Variants in MALRD1 observed in about 807,000 individuals in gnomAD.
MALRD1 encodes the protein MAM and LDL receptor class A domain containing 1.
A neutral mutation model predicts 242.1 loss-of-function variants in MALRD1; 247 were observed. The ratio of observed to expected loss-of-function variants is 1.02; its 90% confidence interval spans 0.92 to 1.13. MALRD1 has a LOEUF of 1.13. MALRD1 is among the 50% of genes most tolerant of loss of function. MALRD1 has a pLI of 0.00. For missense variants in MALRD1, 2,989 were observed against 2,533.1 expected (o/e 1.18, Z -3.86); for synonymous variants, 995 against 866.6 (o/e 1.15, Z -2.60).
At chr10:19,519,489 C>T (rs868275268) in intron 31 of MALRD1, among the ~76,000 whole-genome samples, 1 of 152,132 alleles carries the variant, frequency 6.6e-6, no homozygotes. Context: ...AGACTGGGCA[C>T]AGAGGCTTAC....
At chr10:19,458,499 A>G (rs1271439828) in intron 29 of MALRD1, among the ~76,000 whole-genome samples, 1 of 152,224 alleles carries the variant, frequency 6.6e-6, no homozygotes, top group Non-Finnish European at 1.5e-5. Flanking sequence ...TCAAAAGGTA[A>G]GAATGGTGAC....
rs1047677593 is a variant in MALRD1 at position 19,607,748 on chromosome 10, C to A, written c.5945-29C>A. The A allele has an allele frequency of 4.5e-6, 7 of 1,541,610 alleles. No individual in the cohort carries two copies. The African/African-American group carries it at 9.6e-5, about 21-fold the overall frequency. On this transcript the variant is annotated intron_variant, in intron 34 of 39. Transcript: ENST00000454679. Reference sequence around the variant, plus strand: ...GGACAAAAAAAAATCATGCTGGCATCCCTGATCATTATTCTTTTTTTTTTG... The same window carrying A: ...GGACAAAAAAAAATCATGCTGGCATACCTGATCATTATTCTTTTTTTTTTG...
chr10:19,320,703 G>A (rs967457193), intron 21 of MALRD1, among the ~76,000 whole-genome samples: 7 of 152,112 alleles, frequency 4.6e-5, no homozygotes, highest in Admixed American at 6.6e-5. Flanking sequence ...CAATGTAAAA[G>A]CATTCCTATT....
At chr10:19,149,066 GTCTA>G (rs1833835887) in intron 11 of MALRD1, among the ~76,000 whole-genome samples, 2 of 140,006 alleles carry the variant, frequency 1.4e-5, no homozygotes, top group Admixed American at 7.3e-5. Flanking sequence ...TTTTAAATCT[GTCTA>G]TCTGTCCATC....
chr10:19,456,275 C>G (rs1388201026), intron 29 of MALRD1, among the ~76,000 whole-genome samples: 2 of 152,110 alleles, frequency 1.3e-5, no homozygotes, highest in Non-Finnish European at 2.9e-5. Flanking sequence ...TTTATAATTT[C>G]AGATGTCTTA....
chr10:19,671,065 A>C (rs1028377821), intron 36 of MALRD1, among the ~76,000 whole-genome samples: 1 of 151,726 alleles, frequency 6.6e-6, no homozygotes, highest in African/African-American at 2.4e-5. Context: ...TTTTATTTTT[A>C]TTTTTAGTAG....
intron 14 of MALRD1, among the ~76,000 whole-genome samples, chr10:19,189,812 C>A (rs1294579152): frequency 3.3e-5 from 5 of 151,986 alleles, no homozygotes; most frequent in Non-Finnish European, 7.4e-5. Context: ...AGGAAACCAC[C>A]TCAACATAAT....
intron 35 of MALRD1, among the ~76,000 whole-genome samples, chr10:19,612,510 C>T (rs1838946179): frequency 6.6e-6 from 1 of 151,930 alleles, no homozygotes; most frequent in Admixed American, 6.6e-5. Flanking sequence ...TCCTTCCTTG[C>T]TTTCCTCTTT....
chr10:19,566,449 G>A (rs1836262310), intron 32 of MALRD1, among the ~76,000 whole-genome samples: 3 of 151,474 alleles, frequency 2.0e-5, no homozygotes, highest in African/African-American at 7.3e-5. Context: ...ATATTTTATA[G>A]GATAAGTTAA....
intron 12 of MALRD1, among the ~76,000 whole-genome samples, chr10:19,164,659 A>G (rs569146275): frequency 2.0e-5 from 3 of 152,332 alleles, no homozygotes; most frequent in Admixed American, 6.5e-5. Flanking sequence ...TCCAAACAAC[A>G]TTGAGGGAAT....
At chr10:19,330,211 T>G (rs945717218) in intron 23 of MALRD1, among the ~76,000 whole-genome samples, 2 of 152,054 alleles carry the variant, frequency 1.3e-5, no homozygotes, top group African/African-American at 2.4e-5. Context: ...TCCTTTTACA[T>G]GAAGTCAATA....
intron 29 of MALRD1, among the ~76,000 whole-genome samples, chr10:19,463,343 G>A (rs1175424651): frequency 1.4e-5 from 2 of 145,762 alleles, no homozygotes; most frequent in Non-Finnish European, 3.0e-5. Flanking sequence ...ACCCTTTCCC[G>A]AGTCCTCAAA....
At chr10:19,473,384 G>T (rs1165941530) in intron 29 of MALRD1, among the ~76,000 whole-genome samples, 1 of 152,034 alleles carries the variant, frequency 6.6e-6, no homozygotes, top group South Asian at 2.1e-4. Flanking sequence ...GTAGCCTTAA[G>T]TACATTTACA....
chr10:19,189,402 A>G lies in MALRD1; in HGVS notation c.1951+14074A>G, dbSNP rs536707786. On this transcript the variant is annotated intron_variant, in intron 14 of 39. Transcript: ENST00000454679. ...CCAAGTATGTAAAAAAGAACTAACAACAATCCTCTCAAATTTTTCCAAAAA... is the reference window on the plus strand; with the variant it reads ...CCAAGTATGTAAAAAAGAACTAACAGCAATCCTCTCAAATTTTTCCAAAAA... 2.6e-5 allele frequency among the ~76,000 whole-genome samples: 4 copies of G among 152,234 alleles called. No homozygotes were observed. The East Asian group carries it at 7.7e-4, about 29-fold the overall frequency.
chr10:19,105,601 A>G (rs369793815), intron 5 of MALRD1, among the ~76,000 whole-genome samples: 1 of 151,910 alleles, frequency 6.6e-6, no homozygotes, highest in African/African-American at 2.4e-5. Context: ...TTTTTGAGGA[A>G]CCTCCATAAT....
At chr10:19,444,105 G>T (rs975208472) in intron 28 of MALRD1, among the ~76,000 whole-genome samples, 10 of 152,064 alleles carry the variant, frequency 6.6e-5, no homozygotes, top group African/African-American at 2.4e-4. Context: ...TTTAAATTCT[G>T]TTTTATCAGA....
chr10:19,207,512 A>T (rs4303136), intron 17 of MALRD1, among the ~76,000 whole-genome samples: 110,735 of 151,188 alleles, frequency 0.73, 40,714 homozygotes, highest in South Asian at 0.83. Flanking sequence ...TGTTTGTTTG[A>T]TTTTTTTAGA....
intron 19 of MALRD1, among the ~76,000 whole-genome samples, chr10:19,276,467 TCCATCAA>T (rs1378403150): frequency 1.3e-5 from 2 of 152,190 alleles, no homozygotes; most frequent in Non-Finnish European, 2.9e-5. Flanking sequence ...ATATAAAATA[TCCATCAA>T]CCTGGCCATT....
At chr10:19,149,798 C>T (rs186927813) in intron 11 of MALRD1, among the ~76,000 whole-genome samples, 1 of 152,152 alleles carries the variant, frequency 6.6e-6, no homozygotes, top group Non-Finnish European at 1.5e-5. Context: ...TAAAACAATT[C>T]TATTCCTGCC....
Sources: gnomAD v4.1 joint callset for allele counts (sites outside exome capture counted in the v4.1 genomes callset) on GRCh38, gnomAD v4.1.1 for gene constraint, MANE v1.5 for transcripts, NCBI Gene and HGNC (gene_info 2026-07-23, HGNC 2026-07-21) for gene names.